Variants in LUZP1 observed in about 807,000 individuals in gnomAD.
The protein encoded by LUZP1 is leucine zipper protein 1.
A neutral mutation model predicts 71.3 loss-of-function variants in LUZP1; 25 were observed. The ratio of observed to expected loss-of-function variants is 0.35; its 90% CI spans 0.26 to 0.49. The LOEUF (loss-of-function observed/expected upper bound fraction) is 0.49. LUZP1 is among the 20% of genes least tolerant of loss of function. The pLI, the probability that LUZP1 is intolerant of heterozygous loss-of-function variation, is 0.99. For synonymous variants in LUZP1, 481 were observed against 506.4 expected, an observed-to-expected ratio of 0.95 and a Z score of 0.67; for missense variants, 1,142 against 1,300.8, an observed-to-expected ratio of 0.88 and a Z score of 1.88.
intron 2 of LUZP1, among the ~76,000 whole-genome samples, chr1:23,160,138 G>A (rs984574115): frequency 6.6e-6 from 1 of 152,132 alleles, no homozygotes; most frequent in African/African-American, 2.4e-5. Flanking sequence ...TTTGAAATAT[G>A]TACTGAGTTA....
At chr1:23,090,974 A>G (rs1201406030) in intron 4 of LUZP1, 5 of 719,622 alleles carry the variant, frequency 6.9e-6, no homozygotes, top group African/African-American at 5.2e-5. Flanking sequence ...TGAAGACAAC[A>G]AATTGGAAAA....
intron 1 of LUZP1, among the ~76,000 whole-genome samples, chr1:23,170,462 C>CTTTTTTTTTTTT (rs200073505): frequency 4.7e-5 from 6 of 127,444 alleles, no homozygotes; most frequent in African/African-American, 8.9e-5. Context: ...CTTTTTCTTT[C>CTTTTTTTTTTTT]TTTTTTTTTT....
downstream of LUZP1, chr1:23,083,657 T>A (rs530074138): frequency 2.9e-5 from 7 of 239,024 alleles, no homozygotes; most frequent in East Asian, 4.9e-4. Context: ...GTTTTTTTTT[T>A]ATATTTTGAG....
At chr1:23,169,560 A>G (rs1308986144) in intron 1 of LUZP1, among the ~76,000 whole-genome samples, 1 of 152,202 alleles carries the variant, frequency 6.6e-6, no homozygotes, top group East Asian at 1.9e-4. Context: ...GTGATGCTAG[A>G]CAAGTACTTT....
intron 2 of LUZP1, chr1:23,163,922 T>C (rs577528611): frequency 6.6e-6 from 1 of 152,264 alleles, no homozygotes; most frequent in East Asian, 1.9e-4. Flanking sequence ...GACTACCTCA[T>C]AGAGTTATTA....
intron 2 of LUZP1, among the ~76,000 whole-genome samples, chr1:23,131,359 A>C (rs1202965701): frequency 6.6e-6 from 1 of 151,966 alleles, no homozygotes; most frequent in African/African-American, 2.4e-5. Context: ...GCCTTAGCTG[A>C]CAATCCTAGC....
chr1:23,125,445 C>A (rs1244724720), intron 2 of LUZP1, among the ~76,000 whole-genome samples: 1 of 151,962 alleles, frequency 6.6e-6, no homozygotes, highest in Non-Finnish European at 1.5e-5. Flanking sequence ...CTTTGTTTTT[C>A]TCTTTCATTT....
intron 2 of LUZP1, among the ~76,000 whole-genome samples, chr1:23,144,371 A>C (rs555727099): frequency 1.8e-4 from 28 of 152,322 alleles, no homozygotes; most frequent in African/African-American, 6.7e-4. Context: ...AAGGGAAAAA[A>C]GCCCTAGAAA....
chr1:23,128,369 T>G (rs1222579904), intron 2 of LUZP1, among the ~76,000 whole-genome samples: 1 of 152,186 alleles, frequency 6.6e-6, no homozygotes, highest in African/African-American at 2.4e-5. Flanking sequence ...CTGAATTTAT[T>G]AATAAGTTTC....
chr1:23,105,191 AC>A (rs961767132), intron 3 of LUZP1, among the ~76,000 whole-genome samples: 2 of 152,180 alleles, frequency 1.3e-5, no homozygotes, highest in African/African-American at 4.8e-5. Context: ...AAGGGCCTGA[AC>A]CAGGACAGTA....
intron 1 of LUZP1, among the ~76,000 whole-genome samples, chr1:23,173,423 T>C (rs679591): frequency 0.37 from 53,205 of 144,912 alleles, 10,291 homozygotes; most frequent in African/African-American, 0.47. Context: ...GGCATGATCT[T>C]GGGTCACTAC....
At chr1:23,107,214 T>C (rs957565736) in intron 3 of LUZP1, among the ~76,000 whole-genome samples, 2 of 152,176 alleles carry the variant, frequency 1.3e-5, no homozygotes, top group East Asian at 3.8e-4. Context: ...TTGCTGTACA[T>C]AAAGGAGCAA....
chr1:23,088,731 G>T (rs1643805728), exon 5 of LUZP1: 1 of 919,022 alleles, frequency 1.1e-6, no homozygotes, highest in Non-Finnish European at 1.6e-6. Flanking sequence ...GATTCCCTCT[G>T]GCCAAATGGC....
chr1:23,167,896 G>A (rs1051462858), intron 2 of LUZP1, among the ~76,000 whole-genome samples: 1 of 151,988 alleles, frequency 6.6e-6, no homozygotes, highest in East Asian at 1.9e-4. Context: ...GGCTGGGCGG[G>A]GGCCGGGGGT....
intron 3 of LUZP1, among the ~76,000 whole-genome samples, chr1:23,097,528 T>TA (rs751897805): frequency 1.1e-4 from 17 of 152,272 alleles, no homozygotes; most frequent in Non-Finnish European, 2.5e-4. Flanking sequence ...GATCTGCTCT[T>TA]AGACTACATG....
intron 2 of LUZP1, among the ~76,000 whole-genome samples, chr1:23,130,263 C>T (rs1028672185): frequency 3.3e-5 from 5 of 152,110 alleles, no homozygotes; most frequent in African/African-American, 1.2e-4. Flanking sequence ...TACTGACATT[C>T]GGTATATAAG....
At chr1:23,114,509 T>C (rs1198187365) in intron 2 of LUZP1, among the ~76,000 whole-genome samples, 2 of 152,228 alleles carry the variant, frequency 1.3e-5, no homozygotes, top group Non-Finnish European at 2.9e-5. Flanking sequence ...GCAGCTTCCC[T>C]GAATGCCATC....
At chr1:23,091,691 T>G in exon 4 of LUZP1, 1 of 1,614,118 alleles carries the variant, frequency 6.2e-7, no homozygotes, top group East Asian at 2.2e-5. Flanking sequence ...TTCTCTCCGC[T>G]TCTGCAAGCT....
intron 2 of LUZP1, among the ~76,000 whole-genome samples, chr1:23,142,207 T>C (rs1644308578): frequency 6.6e-6 from 1 of 152,012 alleles, no homozygotes; most frequent in Non-Finnish European, 1.5e-5. Flanking sequence ...TTGCCCAGGC[T>C]GGTCTCGTAC....
Sources: allele counts gnomAD v4.1 joint callset (sites outside exome capture counted in the v4.1 genomes callset), GRCh38; gene constraint gnomAD v4.1.1; transcripts MANE v1.5; gene names NCBI Gene and HGNC (gene_info 2026-07-23, HGNC 2026-07-21).